The following SLC2A10 variants were observed in gnomAD, a reference collection of about 807,000 sequenced individuals.
The protein encoded by SLC2A10 is solute carrier family 2 member 10.
In SLC2A10, 25 loss-of-function variants were observed where a neutral mutation model predicts 32.1. The ratio of observed to expected loss-of-function variants is 0.78; its 90% CI spans 0.57 to 1.09. SLC2A10 has a LOEUF of 1.09. Ranked by LOEUF, SLC2A10 falls within the 50% of genes least tolerant of loss-of-function variation. The pLI is 0.00. For synonymous variants in SLC2A10, 332 were observed against 309.6 expected (o/e 1.07, Z -0.76); for missense variants, 673 against 686.5 (o/e 0.98, Z 0.22).
chr20:46,732,084 T>TGTGCCTCAG (rs1041250047), intron 4 of SLC2A10, among the ~76,000 whole-genome samples: 1 of 152,230 alleles, frequency 6.6e-6, no homozygotes, highest in Non-Finnish European at 1.5e-5. Context: ...TCTGCATCCC[T>TGTGCCTCAG]GTGCCTCAGA....
Position 46,709,684 on chromosome 20 carries a change from G to C in SLC2A10, c.-53G>C, listed in dbSNP as rs943822277. On this transcript the variant is annotated 5_prime_UTR_variant, in exon 1 of 5. Transcript: ENST00000359271. ...AGCGGCGTTGGGGACTCCGGCGGGG[G>C]ATGCGCGCCCGGCCCCTCAGCGCCC... is the stretch of plus-strand genomic sequence containing the variant. The C allele has an allele frequency of 2.6e-6, 4 of 1,534,424 alleles. No individual in the cohort carries two copies. Among genetic ancestry groups the C allele is most frequent in the Admixed American group, 2.0e-5 (1 of 50,116 alleles).
At position 46,735,002 on chromosome 20, in the gene SLC2A10, A is replaced by G. The variant is rs548672519; in HGVS notation, c.*1168A>G. The G allele has an allele frequency of 6.6e-6, 1 of 152,626 alleles. No individual in the cohort carries two copies. The highest frequency in any genetic ancestry group is 6.5e-5 in the Admixed American group (1 of 15,272). The allele number at this position is 152,626 out of a possible 1,614,324, so 9.5% of individuals were successfully genotyped here. A position where few individuals can be genotyped will look rare whatever the true frequency, so the allele number is the denominator to read the frequency against. ...GTATATTTAGACCCTGTTTCCTTTC[A>G]GGAGGGTCCCCAGCTGGTCCAGGGC... On this transcript the variant is annotated 3_prime_UTR_variant, in exon 5 of 5. Transcript: ENST00000359271.
chr20:46,724,311 A>G (rs76332658), intron 1 of SLC2A10, among the ~76,000 whole-genome samples: 348 of 152,352 alleles, frequency 2.3e-3, no homozygotes, highest in African/African-American at 7.4e-3. Flanking sequence ...TGCCAGATAA[A>G]TAAATTTAGA....
rs1208415059 is a variant in SLC2A10, at chr20:46,710,766, T to C, written c.4+1026T>C. ...TGAGGTCAAAGGGATGGCAGAGAGGTGTGCAGGGCTTTGTAAGCCGTGGTG... is the reference window on the plus strand; with the variant it reads ...TGAGGTCAAAGGGATGGCAGAGAGGCGTGCAGGGCTTTGTAAGCCGTGGTG... On this transcript the variant is annotated intron_variant, in intron 1 of 4. Coordinates refer to ENST00000359271, the MANE Select transcript of SLC2A10 (RefSeq NM_030777.4). Among the ~76,000 whole-genome samples, 3 of 152,164 alleles carry C rather than the reference T, an allele frequency of 2.0e-5. No individual in the cohort carries two copies. The South Asian group carries it at 6.2e-4, about 32-fold the overall frequency.
chr20:46,726,269 C>A lies in SLC2A10; in HGVS notation c.1233C>A (p.Thr411=). 2.5e-6 allele frequency: 4 copies of A among 1,613,022 alleles called. No homozygotes were observed. Among genetic ancestry groups the A allele is most frequent in the Non-Finnish European group, 3.4e-6 (4 of 1,180,038 alleles). ...PARGHALLRW[T]ALLCLMVFVS... ...GGGGGCATGCACTGCTGCGCTGGAC[C>A]GCACTGCTGTGCCTGATGGTCTTTG... Residue 411 remains threonine (T), a synonymous_variant, in exon 2 of 5, where the codon ACC becomes ACA. Transcript: ENST00000359271.
intron 3 of SLC2A10, among the ~76,000 whole-genome samples, chr20:46,728,607 T>G (rs1022377424): frequency 8.4e-5 from 9 of 107,686 alleles, no homozygotes; most frequent in East Asian, 4.9e-4. Context: ...TGGGTGTGTT[T>G]TTTTTTTTTT....
At chr20:46,709,926 C>A in intron 1 of SLC2A10, 186 bp downstream of exon 1, 1 of 619,338 alleles carries the variant, frequency 1.6e-6, no homozygotes, top group Non-Finnish European at 2.7e-6. Flanking sequence ...GGGGCTCGGT[C>A]GCGCTTCCTT....
Position 46,709,660 on chromosome 20 carries a change from G to C in SLC2A10, c.-77G>C, listed in dbSNP as rs1456188185. On this transcript the variant is annotated 5_prime_UTR_variant, in exon 1 of 5. Coordinates refer to ENST00000359271, the MANE Select transcript of SLC2A10 (RefSeq NM_030777.4). ...GGGCCGGAAAGTTTGTCCGGCGGCA[G>C]CGGCGTTGGGGACTCCGGCGGGGGA... 1.3e-6 allele frequency: 2 copies of C among 1,509,368 alleles called. No homozygotes were observed. The highest frequency in any genetic ancestry group is 1.8e-6 in the Non-Finnish European group (2 of 1,126,716). The allele number at this position is 1,509,368 out of a possible 1,614,324, so 93.5% of individuals were successfully genotyped here. A position where few individuals can be genotyped will look rare whatever the true frequency, so the allele number is the denominator to read the frequency against.
At chr20:46,728,596 C>T (rs1039273783) in intron 3 of SLC2A10, among the ~76,000 whole-genome samples, 5 of 141,138 alleles carry the variant, frequency 3.5e-5, no homozygotes, top group South Asian at 4.6e-4. Context: ...CATGGAATTT[C>T]TGGGTGTGTT....
intron 1 of SLC2A10, among the ~76,000 whole-genome samples, chr20:46,715,307 T>C (rs1347244762): frequency 6.6e-6 from 1 of 152,230 alleles, no homozygotes; most frequent in African/African-American, 2.4e-5. Context: ...TGCACTGATG[T>C]GTTTTCCAGT....
chr20:46,720,545 T>G (rs1979491452), intron 1 of SLC2A10, among the ~76,000 whole-genome samples: 1 of 152,216 alleles, frequency 6.6e-6, no homozygotes, highest in Non-Finnish European at 1.5e-5. Context: ...TAAATTAAAC[T>G]AATCTAGGAC....
chr20:46,728,263 T>C (rs761897260), intron 3 of SLC2A10, among the ~76,000 whole-genome samples: 1 of 152,200 alleles, frequency 6.6e-6, no homozygotes, highest in Non-Finnish European at 1.5e-5. Context: ...CTGCTGGCGA[T>C]AGGTCCAGCT....
At chr20:46,719,754 G>T (rs1394690236) in intron 1 of SLC2A10, among the ~76,000 whole-genome samples, 1 of 152,200 alleles carries the variant, frequency 6.6e-6, no homozygotes, top group African/African-American at 2.4e-5. Context: ...ATCAAGTCTG[G>T]CATTGGGCAG....
chr20:46,712,185 G>C (rs1043080847), intron 1 of SLC2A10, among the ~76,000 whole-genome samples: 13 of 152,174 alleles, frequency 8.5e-5, no homozygotes, highest in Admixed American at 7.9e-4. Flanking sequence ...TATCAGCTGT[G>C]GCTGCAATTG....
At chr20:46,729,012 G>A (rs1489644728) in intron 3 of SLC2A10, among the ~76,000 whole-genome samples, 4 of 152,076 alleles carry the variant, frequency 2.6e-5, no homozygotes, top group Non-Finnish European at 5.9e-5. Context: ...CACTCAGCTG[G>A]ATCCACGATC....
At chr20:46,717,033 A>T (rs1979288536) in intron 1 of SLC2A10, among the ~76,000 whole-genome samples, 1 of 152,200 alleles carries the variant, frequency 6.6e-6, no homozygotes, top group African/African-American at 2.4e-5. Flanking sequence ...AAAAAAGAAA[A>T]GAAATTATTT....
At chr20:46,716,972 G>A (rs999581308) in intron 1 of SLC2A10, among the ~76,000 whole-genome samples, 15 of 152,192 alleles carry the variant, frequency 9.9e-5, no homozygotes, top group Admixed American at 2.6e-4. Context: ...GCAGTGAGCC[G>A]GAATTACGCC....
rs780076629 is a variant in SLC2A10 at position 46,729,438 on chromosome 20, A to G, written c.1497A>G (p.Glu499=). 22 of 1,613,818 alleles carry G rather than the reference A, an allele frequency of 1.4e-5. No homozygotes were observed. The highest frequency in any genetic ancestry group is 1.7e-5 in the Non-Finnish European group (20 of 1,179,998). The change falls in exon 4 of 5, where the codon GAA becomes GAG. Residue 499 remains glutamate (E), a synonymous_variant. Transcript: ENST00000359271. ...GLGFIYLFVP[E]TKGQSLAEID... ...GCTTCATCTATTTATTTGTTCCTGA[A>G]ACAAAAGGCCAGTCGTTGGCAGAGA...
chr20:46,720,925 C>T (rs913264581), intron 1 of SLC2A10, among the ~76,000 whole-genome samples: 1 of 152,120 alleles, frequency 6.6e-6, no homozygotes, highest in Non-Finnish European at 1.5e-5. Flanking sequence ...TAATAATCAT[C>T]TTATATCTAC....
Sources: gnomAD v4.1 joint callset for allele counts (sites outside exome capture counted in the v4.1 genomes callset) on GRCh38, gnomAD v4.1.1 for gene constraint, MANE v1.5 for transcripts, NCBI Gene and HGNC (gene_info 2026-07-23, HGNC 2026-07-21) for gene names.